Variants in PHF19 observed in about 807,000 individuals in gnomAD.
PHF19 encodes PHD finger protein 19.
PHF19 carries 21 observed loss-of-function variants against 79.8 expected under a neutral mutation model. The observed-to-expected ratio is 0.26, with a 90% CI of 0.19 to 0.38. The LOEUF (loss-of-function observed/expected upper bound fraction) is 0.38, where lower values mean the gene tolerates loss of function less well. PHF19 is among the 10% of genes least tolerant of loss of function. The probability of loss-of-function intolerance (pLI) is 1.00; values close to 1 mark genes in which losing one functional copy is unlikely to be tolerated. For missense variants in PHF19, 445 were observed against 744.2 expected, an observed-to-expected ratio of 0.60 and a Z score of 4.68; for synonymous variants, 273 against 296.3, an observed-to-expected ratio of 0.92 and a Z score of 0.81.
Position 120,866,532 on chromosome 9 carries a change from C to T in PHF19, c.710+338G>A, listed in dbSNP as rs2045707781. On this transcript the variant is annotated intron_variant, in intron 7 of 14. Coordinates refer to ENST00000373896, the MANE Select transcript of PHF19 (RefSeq NM_015651.3). The surrounding 1 kb of genome is among the most constrained non-coding windows in gnomAD (Gnocchi z 5.2). ...AGCCATCCATTTCCCCAGTGACTCC[C>T]ACAGCAACCCTGGGCAGGGCTGGCG... 6.6e-6 allele frequency among the ~76,000 whole-genome samples: 1 copy of T among 152,224 alleles called. No homozygotes were observed. The highest frequency in any genetic ancestry group is 6.5e-5 in the Admixed American group (1 of 15,288).
rs2046346114 is a variant in PHF19 at position 120,891,743 on chromosome 9, G to T, written c.42+3045C>A. On this transcript the variant is annotated intron_variant, in intron 1 of 14. Transcript: ENST00000616568. The surrounding 1 kb of genome is among the most constrained non-coding windows in gnomAD (Gnocchi z 4.3). ...TTGAGCAGCTGTATAGTCCCCCACA[G>T]GCCCCACCCAGTCTTCCGTGCTTGT... 6.6e-6 allele frequency among the ~76,000 whole-genome samples: 1 copy of T among 152,166 alleles called. No individual in the cohort carries two copies. Among genetic ancestry groups the T allele is most frequent in the African/African-American group, 2.4e-5 (1 of 41,436 alleles).
chr9:120,878,523 C>A (rs1354576299), upstream of PHF19, among the ~76,000 whole-genome samples: 6 of 152,228 alleles, frequency 3.9e-5, no homozygotes, highest in Non-Finnish European at 8.8e-5. Context: ...AGCACCTTCC[C>A]CCAGAGCCTT....
intron 14 of PHF19, among the ~76,000 whole-genome samples, chr9:120,858,849 A>AC (rs1235910629): frequency 2.0e-5 from 3 of 151,836 alleles, no homozygotes; most frequent in Non-Finnish European, 2.9e-5. Flanking sequence ...ACACACACAC[A>AC]CACACACACG....
rs1170243737 is a variant in PHF19, at chr9:120,872,037, CAAAAAAAAAAAAA to C, written c.269-1512_269-1500del. On this transcript the variant is annotated intron_variant, in intron 3 of 14. Transcript: ENST00000373896. ...TGGGTGACAGAGCAAGACTCTGTCT[CAAAAAAAAAAAAA>C]AAAAAAAAAAAAAAAAAAGAAATGG... 4.0e-4 allele frequency among the ~76,000 whole-genome samples: 12 copies of C among 30,324 alleles called. No individual in the cohort carries two copies. In the East Asian group the frequency reaches 5.1e-3, roughly 13 times the overall value. 19.9% of individuals were successfully genotyped at this position (30,324 alleles called of 152,430 possible).
Position 120,870,258 on chromosome 9 carries a change from C to T in PHF19, c.364+185G>A, listed in dbSNP as rs2045855698. On this transcript the variant is annotated intron_variant, in intron 4 of 14. Transcript: ENST00000373896. This position sits in a 1 kb window ranked among gnomAD's most constrained non-coding sequence, Gnocchi z 4.4. Reference sequence around the variant, plus strand: ...AAATTACATACACCATCATACCCTCCCAGCTTTCCCCAGGATCTCTTCCCA... The same window carrying T: ...AAATTACATACACCATCATACCCTCTCAGCTTTCCCCAGGATCTCTTCCCA... Among the ~76,000 whole-genome samples the T allele has an allele frequency of 1.3e-5, 2 of 152,100 alleles. No individual in the cohort carries two copies. The highest frequency in any genetic ancestry group is 2.4e-5 in the African/African-American group (1 of 41,416).
Position 120,869,673 on chromosome 9 carries a change from A to G in PHF19, c.465+172T>C. Reference sequence around the variant, plus strand: ...CTCCACTTTACAGTTGAGGAAACTGAGGCTCAGGGAGTCTACAAATCCTGG... The same window carrying G: ...CTCCACTTTACAGTTGAGGAAACTGGGGCTCAGGGAGTCTACAAATCCTGG... On this transcript the variant is annotated intron_variant, in intron 5 of 14. Coordinates refer to ENST00000373896, the MANE Select transcript of PHF19 (RefSeq NM_015651.3). This position sits in a 1 kb window ranked among gnomAD's most constrained non-coding sequence, Gnocchi z 5.8. 6.5e-7 allele frequency: 1 copy of G among 1,547,464 alleles called. No homozygotes were observed. Among genetic ancestry groups the G allele is most frequent in the East Asian group, 2.4e-5 (1 of 40,856 alleles).
intron 1 of PHF19, among the ~76,000 whole-genome samples, chr9:120,885,168 T>C (rs1005724793): frequency 6.6e-6 from 1 of 152,220 alleles, no homozygotes; most frequent in African/African-American, 2.4e-5. Context: ...CAGTAAGCTA[T>C]GATTACATCA....
At position 120,869,986 on chromosome 9, in the gene PHF19, C is replaced by G; in HGVS notation, c.365-41G>C. The G allele has an allele frequency of 6.5e-7, 1 of 1,544,228 alleles. No individual in the cohort carries two copies. Among genetic ancestry groups the G allele is most frequent in the Non-Finnish European group, 8.7e-7 (1 of 1,143,654 alleles). ...GGGCGGTGAGCGCCCACAAGGACAT[C>G]GTGGCCCAAGGCCAGTTGGCCCAAA... On this transcript the variant is annotated intron_variant, in intron 4 of 14. Coordinates refer to ENST00000373896, the MANE Select transcript of PHF19 (RefSeq NM_015651.3). The surrounding 1 kb of genome is among the most constrained non-coding windows in gnomAD (Gnocchi z 5.8).
chr9:120,867,033 T>C, intron 6 of PHF19, 68 bp from the exon 7 acceptor site: 1 of 889,288 alleles, frequency 1.1e-6, no homozygotes, highest in Middle Eastern at 2.2e-4. Context: ...TTCGGCAACC[T>C]TTCCCAAGTT....
upstream of PHF19, among the ~76,000 whole-genome samples, chr9:120,899,530 T>C (rs990228500): frequency 2.6e-5 from 4 of 151,976 alleles, no homozygotes; most frequent in African/African-American, 7.2e-5. Flanking sequence ...GATTCTGTTA[T>C]TCTTACACTG....
Position 120,862,099 on chromosome 9 carries a change from C to A in PHF19, c.1131-94G>T, listed in dbSNP as rs1004921411. The stretch of plus-strand genomic sequence containing the variant: ...GGCGCCGCAGGGGCGGGGGTCACAG[C>A]AGTTGGGGAGACAGGCTCTGAACAC... On this transcript the variant is annotated intron_variant, in intron 11 of 14. Transcript: ENST00000373896. The surrounding 1 kb of genome is among the most constrained non-coding windows in gnomAD (Gnocchi z 4.6). The A allele has an allele frequency of 8.2e-5, 71 of 864,406 alleles. No homozygotes were observed. Among genetic ancestry groups the A allele is most frequent in the Non-Finnish European group, 1.4e-4 (68 of 501,668 alleles). The allele number at this position is 864,406 out of a possible 1,614,324, so 53.5% of individuals were successfully genotyped here.
At position 120,870,652 on chromosome 9, in the gene PHF19, G is replaced by A. The variant is rs1020517336; in HGVS notation, c.269-114C>T. ...CTAGGCCTAGCGCTGGGCCCCACATGCCACCTCACTGAATCTCCCCAACCA... is the reference window on the plus strand; with the variant it reads ...CTAGGCCTAGCGCTGGGCCCCACATACCACCTCACTGAATCTCCCCAACCA... On this transcript the variant is annotated intron_variant, in intron 3 of 14. Transcript: ENST00000373896. This position sits in a 1 kb window ranked among gnomAD's most constrained non-coding sequence, Gnocchi z 4.4. 1.5e-5 allele frequency: 10 copies of A among 663,442 alleles called. No individual in the cohort carries two copies. The highest frequency in any genetic ancestry group is 2.7e-5 in the Non-Finnish European group (10 of 364,858). The allele number at this position is 663,442 out of a possible 1,614,324, so 41.1% of individuals were successfully genotyped here. A position where few individuals can be genotyped will look rare whatever the true frequency, so the allele number is the denominator to read the frequency against.
At chr9:120,881,552 A>T (rs950361716), upstream of PHF19, among the ~76,000 whole-genome samples, 8 of 152,188 alleles carry the variant, frequency 5.3e-5, no homozygotes, top group African/African-American at 1.9e-4. Flanking sequence ...TGGGTGGTTG[A>T]TCCATAGTTG....
chr9:120,880,837 GT>G (rs2131581915), upstream of PHF19, among the ~76,000 whole-genome samples: 1 of 152,016 alleles, frequency 6.6e-6, no homozygotes, highest in South Asian at 2.1e-4. Flanking sequence ...GCATGCACCT[GT>G]AGTCCCAGCT....
intron 10 of PHF19, 91 bp downstream of exon 10, chr9:120,863,958 C>A (rs1323956578): frequency 1.8e-5 from 18 of 1,024,394 alleles, no homozygotes; most frequent in East Asian, 2.6e-5. Flanking sequence ...ATCAGAGAGG[C>A]AGGGAGCATA....
upstream of PHF19, among the ~76,000 whole-genome samples, chr9:120,879,998 A>G (rs1205185759): frequency 3.3e-5 from 5 of 150,926 alleles, no homozygotes; most frequent in Admixed American, 2.6e-4. Context: ...GAGTCTGTCA[A>G]TATAGGGGGG....
At position 120,861,544 on chromosome 9, in the gene PHF19, G is replaced by A. The variant is rs141129910; in HGVS notation, c.1219-370C>T. On this transcript the variant is annotated intron_variant, in intron 12 of 14. Transcript: ENST00000373896. ...GCTAATACTACTGCCCACAGGGAGG[G>A]CTTCAGGGAGGTGGTGGGGTTACTG... is the stretch of plus-strand genomic sequence containing the variant. Among the ~76,000 whole-genome samples, 464 of 152,300 alleles carry A rather than the reference G, an allele frequency of 3.0e-3. 3 individuals carry two copies. The highest frequency in any genetic ancestry group is 0.011 in the African/African-American group (442 of 41,566).
chr9:120,869,993 C>G lies in PHF19; in HGVS notation c.365-48G>C. ...GAGCGCCCACAAGGACATCGTGGCC[C>G]AAGGCCAGTTGGCCCAAAGGAGGCA... On this transcript the variant is annotated intron_variant, in intron 4 of 14. Coordinates refer to ENST00000373896, the MANE Select transcript of PHF19 (RefSeq NM_015651.3). This position sits in a 1 kb window ranked among gnomAD's most constrained non-coding sequence, Gnocchi z 5.8. 1 of 1,540,538 alleles carries G rather than the reference C, an allele frequency of 6.5e-7. No homozygotes were observed. Among genetic ancestry groups the G allele is most frequent in the Non-Finnish European group, 8.8e-7 (1 of 1,141,686 alleles).
chr9:120,903,696 C>T, the PHF19 span: 1 of 152,352 alleles, frequency 6.6e-6, no homozygotes, highest in Non-Finnish European at 1.5e-5. Flanking sequence ...CAGGCCATGA[C>T]AGGCGGGCAG....
Sources: allele counts gnomAD v4.1 joint callset (sites outside exome capture counted in the v4.1 genomes callset), GRCh38; gene constraint gnomAD v4.1.1; non-coding constraint Gnocchi (gnomAD v3.1); transcripts MANE v1.5; gene names NCBI Gene and HGNC (gene_info 2026-07-23, HGNC 2026-07-21).